Variants in HNMT observed in about 807,000 individuals in gnomAD.
The protein encoded by HNMT is histamine N-methyltransferase.
In HNMT, 30 loss-of-function variants were observed where a neutral mutation model predicts 32.1. That is an observed-to-expected ratio of 0.93 (90% CI 0.70 to 1.27). The LOEUF is 1.27. Among genes scored for constraint, HNMT ranks in the 50% most tolerant of loss-of-function variants. The pLI, the probability that HNMT is intolerant of heterozygous loss-of-function variation, is 0.00. For synonymous variants in HNMT, 125 were observed against 119.0 expected, an observed-to-expected ratio of 1.05 and a Z score of -0.33; for missense variants, 327 against 346.0, an observed-to-expected ratio of 0.95 and a Z score of 0.43.
chr2:137,989,148 C>T (rs75246905), intron 2 of HNMT, among the ~76,000 whole-genome samples: 1 of 152,088 alleles, frequency 6.6e-6, no homozygotes, highest in East Asian at 1.9e-4. Context: ...CGGGTTTAAA[C>T]AAATGTATAA....
At chr2:137,980,288 C>T (rs6708307) in intron 2 of HNMT, among the ~76,000 whole-genome samples, 3,371 of 152,192 alleles carry the variant, frequency 0.022, 127 homozygotes, top group African/African-American at 0.077. Context: ...CCTCCCATCT[C>T]GGCCTCCCAA....
At chr2:137,983,006 C>T (rs1004456320) in intron 2 of HNMT, among the ~76,000 whole-genome samples, 6 of 152,102 alleles carry the variant, frequency 3.9e-5, no homozygotes, top group East Asian at 1.9e-4. Context: ...AAGTAATAGA[C>T]GGTGGAGCCG....
intron 2 of HNMT, among the ~76,000 whole-genome samples, chr2:137,982,606 T>G (rs115123782): frequency 0.01 from 1,539 of 152,282 alleles, 21 homozygotes; most frequent in African/African-American, 0.034. Flanking sequence ...ATATTCTGTT[T>G]GGTAGGAAAT....
At position 138,013,901 on chromosome 2, in the gene HNMT, G is replaced by A; in HGVS notation, c.650G>A (p.Cys217Tyr). The A allele has an allele frequency of 6.2e-7, 1 of 1,613,768 alleles. No individual in the cohort carries two copies. The highest frequency in any genetic ancestry group is 8.5e-7 in the Non-Finnish European group (1 of 1,179,788). The stretch of plus-strand genomic sequence containing the variant: ...GACAACCTAGGGCTTAAGTATGAGT[G>A]CTATGACCTTTTGTCCACCATGGAT... ...MLDNLGLKYECYDLLSTMDIS... is the reference protein window; with the variant it reads ...MLDNLGLKYEYYDLLSTMDIS... Residue 217 changes from cysteine (C) to tyrosine (Y), a missense_variant, in exon 6 of 6, where the codon TGC becomes TAC. By Grantham distance (194) the Cys-to-Tyr change is radical. Coordinates refer to ENST00000280097, the MANE Select transcript of HNMT (RefSeq NM_006895.3).
intron 2 of HNMT, among the ~76,000 whole-genome samples, chr2:137,972,602 T>C: frequency 6.6e-6 from 1 of 152,210 alleles, no homozygotes; most frequent in Admixed American, 6.5e-5. Context: ...TAAAATACTT[T>C]ATTATTGGTT....
Position 138,013,847 on chromosome 2 carries a change from T to G in HNMT, c.596T>G (p.Ile199Ser), listed in dbSNP as rs1045809889. 1.2e-6 allele frequency: 2 copies of G among 1,613,760 alleles called. No homozygotes were observed. Among genetic ancestry groups the G allele is most frequent in the Non-Finnish European group, 1.7e-6 (2 of 1,179,800 alleles). The change falls in exon 6 of 6, where the codon ATC (isoleucine) becomes AGC (serine). Residue 199 changes from isoleucine to serine, a missense_variant. Coordinates refer to ENST00000280097, the MANE Select transcript of HNMT (RefSeq NM_006895.3). The part of the protein sequence containing the change: ...RFPQDDLCQY[I>S]TSDDLTQMLD... ...CCCCAGGATGACCTCTGCCAGTATA[T>G]CACATCAGATGACCTCACTCAGATG...
intron 5 of HNMT, among the ~76,000 whole-genome samples, chr2:138,008,954 T>C (rs894760633): frequency 2.0e-5 from 3 of 151,906 alleles, no homozygotes; most frequent in African/African-American, 7.2e-5. Context: ...AAACTATCAA[T>C]AGAATAAACA....
chr2:138,011,617 G>T (rs929042161), intron 5 of HNMT, among the ~76,000 whole-genome samples: 1 of 151,934 alleles, frequency 6.6e-6, no homozygotes, highest in African/African-American at 2.4e-5. Flanking sequence ...GAACTGTGTG[G>T]GTATGTATTG....
At chr2:137,981,455 A>G (rs1435266940) in intron 2 of HNMT, 2 of 1,232,290 alleles carry the variant, frequency 1.6e-6, no homozygotes, top group Non-Finnish European at 2.4e-6. Context: ...TGAAAATTGC[A>G]AAGTCTTCAC....
At chr2:137,981,220 T>C (rs373584042) in intron 2 of HNMT, 68 of 1,613,360 alleles carry the variant, frequency 4.2e-5, no homozygotes, top group Non-Finnish European at 5.8e-5. Flanking sequence ...CTGCAGATTG[T>C]CTCATTCGGG....
At chr2:137,987,311 C>T (rs1325142488) in intron 2 of HNMT, among the ~76,000 whole-genome samples, 1 of 152,090 alleles carries the variant, frequency 6.6e-6, no homozygotes, top group African/African-American at 2.4e-5. Flanking sequence ...CCCTACTCCC[C>T]TTAAATGCCA....
intron 2 of HNMT, among the ~76,000 whole-genome samples, chr2:137,973,781 G>A (rs567175873): frequency 2.6e-5 from 4 of 151,334 alleles, no homozygotes; most frequent in Non-Finnish European, 4.4e-5. Flanking sequence ...GTTTTTTTTG[G>A]GGGGGGGTGG....
chr2:137,969,518 C>T (rs1680058940), intron 1 of HNMT, among the ~76,000 whole-genome samples: 1 of 152,180 alleles, frequency 6.6e-6, no homozygotes, highest in Non-Finnish European at 1.5e-5. Context: ...TCATCCAAGC[C>T]TGAAACAGGG....
At chr2:137,986,093 T>C (rs1218269145) in intron 2 of HNMT, among the ~76,000 whole-genome samples, 4 of 152,036 alleles carry the variant, frequency 2.6e-5, no homozygotes, top group Non-Finnish European at 5.9e-5. Flanking sequence ...TACAGTAAGC[T>C]AAAGGCCAAA....
At chr2:138,003,270 G>A (rs1681236918) in intron 4 of HNMT, among the ~76,000 whole-genome samples, 2 of 152,044 alleles carry the variant, frequency 1.3e-5, no homozygotes, top group Admixed American at 6.6e-5. Flanking sequence ...TGACTATTGA[G>A]TAGATAGCAT....
chr2:137,982,961 T>C (rs1680547052), intron 2 of HNMT, among the ~76,000 whole-genome samples: 1 of 152,192 alleles, frequency 6.6e-6, no homozygotes, highest in African/African-American at 2.4e-5. Flanking sequence ...GGTTCAGATA[T>C]TTTGAGGCTC....
At position 137,964,645 on chromosome 2, in the gene HNMT, T is replaced by C; in HGVS notation, c.137+17T>C. 2 of 1,613,416 alleles carry C rather than the reference T, an allele frequency of 1.2e-6. No individual in the cohort carries two copies. Among genetic ancestry groups the C allele is most frequent in the South Asian group, 2.2e-5 (2 of 91,028 alleles). ...AATAGGAAGGTAACAAAAGGGACGT[T>C]GTTGTCAAAGGGACAAGCCTCAGAC... is the stretch of plus-strand genomic sequence containing the variant. On this transcript the variant is annotated intron_variant, in intron 1 of 5. Transcript: ENST00000280097.
chr2:137,978,304 ATAT>A (rs1363139058), intron 2 of HNMT, among the ~76,000 whole-genome samples: 1 of 147,558 alleles, frequency 6.8e-6, no homozygotes, highest in Admixed American at 6.8e-5. Flanking sequence ...ATGTATGTAT[ATAT>A]TAACTGTAAT....
intron 2 of HNMT, among the ~76,000 whole-genome samples, chr2:137,983,976 C>G (rs2104947482): frequency 6.6e-6 from 1 of 152,244 alleles, no homozygotes; most frequent in Admixed American, 6.5e-5. Flanking sequence ...TGGTTTCCCT[C>G]AATATATTAC....
Sources: allele counts gnomAD v4.1 joint callset (sites outside exome capture counted in the v4.1 genomes callset), GRCh38; gene constraint gnomAD v4.1.1; transcripts MANE v1.5; gene names NCBI Gene and HGNC (gene_info 2026-07-23, HGNC 2026-07-21).